Variants in SNX13 observed in about 807,000 individuals in gnomAD.
SNX13 encodes sorting nexin-13.
In SNX13, 45 loss-of-function variants were observed where a neutral mutation model predicts 133.6. The observed-to-expected ratio is 0.34, with a 90% confidence interval of 0.27 to 0.43. The LOEUF is 0.43. Ranked by LOEUF, SNX13 falls within the 20% of genes least tolerant of loss-of-function variation. The pLI is 1.00. For synonymous variants in SNX13, 414 were observed against 373.9 expected, an observed-to-expected ratio of 1.11 and a Z score of -1.24; for missense variants, 1,032 against 1,145.1, an observed-to-expected ratio of 0.90 and a Z score of 1.43.
At chr7:17,857,879 T>G (rs752401944) in intron 9 of SNX13, among the ~76,000 whole-genome samples, 5 of 152,120 alleles carry the variant, frequency 3.3e-5, no homozygotes, top group African/African-American at 7.2e-5. Context: ...GTTCAAGATA[T>G]GAAAATCGAT....
At chr7:17,851,072 T>C (rs1583474617) in intron 9 of SNX13, 108 bp from the exon 10 acceptor site, 3 of 1,143,584 alleles carry the variant, frequency 2.6e-6, no homozygotes, top group East Asian at 5.4e-5. Flanking sequence ...ACATACTCAG[T>C]GCTTACAACA....
chr7:17,849,179 A>G (rs1156561326), intron 11 of SNX13, among the ~76,000 whole-genome samples: 1 of 152,156 alleles, frequency 6.6e-6, no homozygotes, highest in Non-Finnish European at 1.5e-5. Context: ...CCAAAACTCA[A>G]TTCTCTTTTC....
chr7:17,871,509 T>C (rs550719113), intron 8 of SNX13, among the ~76,000 whole-genome samples: 14 of 152,288 alleles, frequency 9.2e-5, no homozygotes, highest in Admixed American at 9.2e-4. Flanking sequence ...ATTGCAGTTT[T>C]AGCAAGAATT....
chr7:17,926,679 G>A (rs1800784377), intron 1 of SNX13, among the ~76,000 whole-genome samples: 1 of 152,142 alleles, frequency 6.6e-6, no homozygotes, highest in Non-Finnish European at 1.5e-5. Flanking sequence ...TTGAGCTCGG[G>A]AGTTTGAGAT....
chr7:17,825,909 A>G, intron 17 of SNX13, 113 bp downstream of exon 17: 1 of 673,482 alleles, frequency 1.5e-6, no homozygotes, highest in Non-Finnish European at 2.4e-6. Flanking sequence ...AAAAGTAACA[A>G]AACTATGACT....
In SNX13 at chr7:17,897,325, T is replaced by C; in HGVS notation, c.125+9A>G. On this transcript the variant is annotated intron_variant, in intron 2 of 25. Transcript: ENST00000428135. Reference sequence around the variant, plus strand: ...CATGAATTATAAAATTATAATTGAGTATACTTACCCACCCACAAAGCAGAG... The same window carrying C: ...CATGAATTATAAAATTATAATTGAGCATACTTACCCACCCACAAAGCAGAG... The C allele has an allele frequency of 7.0e-7, 1 of 1,432,212 alleles. No individual in the cohort carries two copies. The highest frequency in any genetic ancestry group is 9.5e-7 in the Non-Finnish European group (1 of 1,053,100). 88.7% of individuals were successfully genotyped at this position (1,432,212 alleles called of 1,614,324 possible).
chr7:17,838,264 G>T (rs750069803), intron 13 of SNX13, among the ~76,000 whole-genome samples: 1 of 151,778 alleles, frequency 6.6e-6, no homozygotes, highest in Admixed American at 6.6e-5. Context: ...TTAATTTGTT[G>T]TCATAAAGTT....
chr7:17,940,351 T>TA lies in SNX13; in HGVS notation c.-57dup, dbSNP rs1562559894. On this transcript the variant is annotated 5_prime_UTR_variant, in exon 1 of 26. The change abolishes the stop of an existing upstream ORF in the 5' untranslated region. Transcript: ENST00000428135. ...TAGCCTCGCCTCATGGCAACAGCCG[T>TA]AGCAGCAGCGAAAACTGCTCGGGCC... The TA allele has an allele frequency of 6.4e-7, 1 of 1,553,814 alleles. No homozygotes were observed. The highest frequency in any genetic ancestry group is 2.4e-5 in the East Asian group (1 of 41,248).
chr7:17,897,259 C>T (rs149769111), intron 2 of SNX13, 75 bp downstream of exon 2: 51 of 763,362 alleles, frequency 6.7e-5, no homozygotes, highest in African/African-American at 4.7e-4. Flanking sequence ...ATCATACTCC[C>T]GTTTCTCAGT....
intron 1 of SNX13, among the ~76,000 whole-genome samples, chr7:17,908,220 C>T (rs745767191): frequency 6.6e-6 from 1 of 152,154 alleles, no homozygotes; most frequent in Admixed American, 6.6e-5. Context: ...CCTGCCTGAC[C>T]ATTTTATATC....
chr7:17,893,663 C>T (rs1796881905), intron 2 of SNX13, among the ~76,000 whole-genome samples: 1 of 151,966 alleles, frequency 6.6e-6, no homozygotes, highest in South Asian at 2.1e-4. Context: ...AGTTTTAATC[C>T]AATATATTTC....
At chr7:17,811,339 C>G (rs1347447553) in intron 20 of SNX13, among the ~76,000 whole-genome samples, 1 of 152,158 alleles carries the variant, frequency 6.6e-6, no homozygotes, top group African/African-American at 2.4e-5. Flanking sequence ...AAATCACAAG[C>G]ATTCCTATAC....
At chr7:17,818,085 A>C (rs779705115) in intron 18 of SNX13, among the ~76,000 whole-genome samples, 4 of 152,216 alleles carry the variant, frequency 2.6e-5, no homozygotes, top group Non-Finnish European at 5.9e-5. Flanking sequence ...CATCACATAG[A>C]GAAATGGCCA....
At chr7:17,821,730 G>A (rs1787311523) in intron 17 of SNX13, 82 bp from the exon 18 acceptor site, 7 of 1,444,246 alleles carry the variant, frequency 4.8e-6, no homozygotes, top group South Asian at 2.8e-5. Flanking sequence ...CAAAAAAGGA[G>A]GAAGATGAAG....
At position 17,816,240 on chromosome 7, in the gene SNX13, T is replaced by C. The variant is rs1286683419; in HGVS notation, c.1895A>G (p.Asn632Ser). 3 of 1,543,406 alleles carry C rather than the reference T, an allele frequency of 1.9e-6. No individual in the cohort carries two copies. The highest frequency in any genetic ancestry group is 2.0e-5 in the Admixed American group (1 of 49,598). ...TTCTAAAAAATCTCTATCCATATTA[T>C]TAAAAGTCTTTTTTCCAGGAAGTTT... is the stretch of plus-strand genomic sequence containing the variant. ...ILKLPGKKTF[N>S]NMDRDFLEKR... is the part of the protein sequence containing the mutation. Residue 632 changes from asparagine (N) to serine (S), a missense_variant, in exon 19 of 26, where the codon AAT becomes AGT. Coordinates refer to ENST00000428135, the MANE Select transcript of SNX13 (RefSeq NM_015132.5).
chr7:17,935,598 TA>T (rs1204343182), intron 1 of SNX13, among the ~76,000 whole-genome samples: 3 of 152,188 alleles, frequency 2.0e-5, no homozygotes, highest in Non-Finnish European at 4.4e-5. Flanking sequence ...CATAAATGCA[TA>T]AAAATGACTG....
At chr7:17,794,487 T>C (rs1783841325) in intron 25 of SNX13, 195 bp from the exon 26 acceptor site, 2 of 617,372 alleles carry the variant, frequency 3.2e-6, no homozygotes, top group Non-Finnish European at 2.7e-6. Context: ...ACGCACTTAA[T>C]GCAAAAGCTA....
chr7:17,887,011 C>T (rs1353588820), intron 5 of SNX13, among the ~76,000 whole-genome samples: 2 of 150,656 alleles, frequency 1.3e-5, no homozygotes, highest in Non-Finnish European at 3.0e-5. Context: ...GTCAAAGAAT[C>T]TGTGTACACA....
At chr7:17,871,827 T>C (rs926010804) in intron 8 of SNX13, among the ~76,000 whole-genome samples, 1 of 152,196 alleles carries the variant, frequency 6.6e-6, no homozygotes, top group African/African-American at 2.4e-5. Flanking sequence ...TGTCCAGTTC[T>C]GGTTTTCCTT....
Sources: gnomAD v4.1 joint callset for allele counts (sites outside exome capture counted in the v4.1 genomes callset) on GRCh38, gnomAD v4.1.1 for gene constraint, MANE v1.5 for transcripts, NCBI Gene and HGNC (gene_info 2026-07-23, HGNC 2026-07-21) for gene names.